The following IL1RAPL2 variants were observed in gnomAD, a reference collection of about 807,000 sequenced individuals.
IL1RAPL2 encodes interleukin 1 receptor accessory protein like 2.
In IL1RAPL2, 3 loss-of-function variants were observed where a neutral mutation model predicts 44.1. The observed-to-expected ratio is 0.07, with a 90% confidence interval of 0.03 to 0.18. The LOEUF is 0.18. Ranked by LOEUF, IL1RAPL2 falls within the 10% of genes least tolerant of loss-of-function variation. The probability of loss-of-function intolerance (pLI) is 1.00; values close to 1 mark genes in which losing one functional copy is unlikely to be tolerated. For synonymous variants in IL1RAPL2, 181 were observed against 178.8 expected, an observed-to-expected ratio of 1.01 and a Z score of -0.10; for missense variants, 391 against 496.4, an observed-to-expected ratio of 0.79 and a Z score of 2.02.
At chrX:104,784,305 G>C (rs978155498) in intron 2 of IL1RAPL2, among the ~76,000 whole-genome samples, 3 of 111,954 alleles carry the variant, frequency 2.7e-5, no homozygotes, top group African/African-American at 9.8e-5. Flanking sequence ...TGTCTCTGGA[G>C]AGATGTGTTT....
intron 6 of IL1RAPL2, among the ~76,000 whole-genome samples, chrX:105,664,177 G>C (rs2147848825): frequency 8.9e-6 from 1 of 112,148 alleles, no homozygotes; most frequent in African/African-American, 3.2e-5. Flanking sequence ...GACAACCAAA[G>C]AGGCAGCACA....
chrX:105,766,589 A>T (rs2038731821), intron 10 of IL1RAPL2, among the ~76,000 whole-genome samples: 1 of 111,369 alleles, frequency 9.0e-6, no homozygotes, highest in Non-Finnish European at 1.9e-5. Context: ...GTAACTCTGC[A>T]TTTATTAAAA....
At chrX:105,285,481 T>G (rs2034563977) in intron 5 of IL1RAPL2, among the ~76,000 whole-genome samples, 1 of 112,049 alleles carries the variant, frequency 8.9e-6, no homozygotes, top group Admixed American at 9.5e-5. Context: ...ATTTAGCCAG[T>G]AATATTTTCA....
intron 2 of IL1RAPL2, among the ~76,000 whole-genome samples, chrX:104,684,280 G>A (rs1221778230): frequency 9.0e-6 from 1 of 111,695 alleles, no homozygotes; most frequent in Non-Finnish European, 1.9e-5. Flanking sequence ...ATTGTGTGTA[G>A]CATTTTCCAT....
At chrX:104,920,886 T>C (rs1247391804) in intron 2 of IL1RAPL2, among the ~76,000 whole-genome samples, 1 of 110,616 alleles carries the variant, frequency 9.0e-6, no homozygotes, top group Admixed American at 9.6e-5. Flanking sequence ...CTGCACACTC[T>C]GACCAGATCT....
intron 5 of IL1RAPL2, among the ~76,000 whole-genome samples, chrX:105,343,542 A>G (rs1432300493): frequency 8.9e-6 from 1 of 111,933 alleles, no homozygotes; most frequent in Non-Finnish European, 1.9e-5. Context: ...AAAATGATCC[A>G]TTGAATATAC....
intron 6 of IL1RAPL2, among the ~76,000 whole-genome samples, chrX:105,611,253 T>A (rs2037333995): frequency 8.9e-6 from 1 of 112,287 alleles, no homozygotes. Flanking sequence ...AATTTAAAAA[T>A]TTTATAAAAT....
At chrX:105,655,891 G>A (rs762476440) in intron 6 of IL1RAPL2, among the ~76,000 whole-genome samples, 1 of 111,743 alleles carries the variant, frequency 8.9e-6, no homozygotes, top group East Asian at 2.8e-4. Context: ...TTTTTATACA[G>A]GCATGCAATG....
intron 2 of IL1RAPL2, among the ~76,000 whole-genome samples, chrX:104,894,571 A>G (rs758766904): frequency 1.8e-5 from 2 of 111,718 alleles, no homozygotes; most frequent in South Asian, 3.8e-4. Flanking sequence ...CTTCCAGTTG[A>G]TCGAATCGGC....
At chrX:105,124,175 C>T (rs1462171389) in intron 2 of IL1RAPL2, among the ~76,000 whole-genome samples, 1 of 111,268 alleles carries the variant, frequency 9.0e-6, no homozygotes, top group African/African-American at 3.3e-5. Flanking sequence ...AGCCTTTATG[C>T]TGCCAGTAGC....
chrX:105,030,461 T>C (rs2031468879), intron 2 of IL1RAPL2, among the ~76,000 whole-genome samples: 1 of 112,231 alleles, frequency 8.9e-6, no homozygotes, highest in African/African-American at 3.2e-5. Context: ...GCTTTCTATA[T>C]ATGGCTAGCC....
At chrX:105,750,222 CT>C (rs751878067) in intron 9 of IL1RAPL2, among the ~76,000 whole-genome samples, 13 of 92,630 alleles carry the variant, frequency 1.4e-4, no homozygotes, top group South Asian at 4.9e-4. Flanking sequence ...TACAGAAATT[CT>C]TTTTTTTTTG....
chrX:105,738,639 T>C (rs959438698), intron 7 of IL1RAPL2, among the ~76,000 whole-genome samples: 1 of 111,619 alleles, frequency 9.0e-6, no homozygotes, highest in Non-Finnish European at 1.9e-5. Context: ...GATTTGCTCC[T>C]TCTTTGGCCA....
At chrX:105,193,890 A>G (rs913690971) in intron 2 of IL1RAPL2, among the ~76,000 whole-genome samples, 1 of 111,900 alleles carries the variant, frequency 8.9e-6, no homozygotes, top group Admixed American at 9.6e-5. Flanking sequence ...AATACTTCAC[A>G]TACTATAAGA....
chrX:105,322,135 A>G (rs997923033), intron 5 of IL1RAPL2, among the ~76,000 whole-genome samples: 1 of 112,726 alleles, frequency 8.9e-6, no homozygotes, highest in Non-Finnish European at 1.9e-5. Context: ...GACCTAAGGA[A>G]TAATCAAAGC....
In IL1RAPL2 at chrX:104,582,907, A is replaced by G. The variant is rs183145800; in HGVS notation, c.-20+15856A>G. Among the ~76,000 whole-genome samples, 188 of 61,624 alleles carry G rather than the reference A, an allele frequency of 3.1e-3. 1 individual carries two copies. The highest frequency in any genetic ancestry group is 0.013 in the African/African-American group (178 of 13,767). 53.5% of individuals were successfully genotyped at this position (61,624 alleles called of 115,157 possible). ...TTCTTTTCTTTCCTTTCTTATTGAG[A>G]TGATGGAGTATTACTCTGTTGCCCA... On this transcript the variant is annotated intron_variant, in intron 1 of 10. Coordinates refer to ENST00000372582, the MANE Select transcript of IL1RAPL2 (RefSeq NM_017416.2).
chrX:105,400,451 G>A (rs2035599015), intron 5 of IL1RAPL2, among the ~76,000 whole-genome samples: 1 of 110,825 alleles, frequency 9.0e-6, no homozygotes, highest in African/African-American at 3.3e-5. Flanking sequence ...TTCATACATG[G>A]CTTTTCACTC....
intron 2 of IL1RAPL2, among the ~76,000 whole-genome samples, chrX:105,062,326 C>T (rs1196464239): frequency 8.9e-6 from 1 of 111,965 alleles, no homozygotes; most frequent in Non-Finnish European, 1.9e-5. Context: ...ATAAACTCTA[C>T]ACCTTTTTTG....
At chrX:104,796,940 T>G (rs1260897746) in intron 2 of IL1RAPL2, among the ~76,000 whole-genome samples, 1 of 109,959 alleles carries the variant, frequency 9.1e-6, no homozygotes, top group Admixed American at 9.7e-5. Flanking sequence ...CCAGCTAAAT[T>G]TTGTATTTTT....
Sources: gnomAD v4.1 joint callset for allele counts (sites outside exome capture counted in the v4.1 genomes callset) on GRCh38, gnomAD v4.1.1 for gene constraint, MANE v1.5 for transcripts, NCBI Gene and HGNC (gene_info 2026-07-23, HGNC 2026-07-21) for gene names.